The following ZNF853 variants were observed in gnomAD, a reference collection of about 807,000 sequenced individuals.
ZNF853 encodes zinc finger protein 853.
Under a neutral mutation model 94.7 loss-of-function variants are expected in ZNF853, and 57 were observed. The ratio of observed to expected loss-of-function variants is 0.60; its 90% CI spans 0.49 to 0.75. The LOEUF (loss-of-function observed/expected upper bound fraction) is 0.75, where lower values mean the gene tolerates loss of function less well. Ranked by LOEUF, ZNF853 falls within the 30% of genes least tolerant of loss-of-function variation. The pLI, the probability that ZNF853 is intolerant of heterozygous loss-of-function variation, is 0.00. For synonymous variants in ZNF853, 448 were observed against 406.3 expected, an observed-to-expected ratio of 1.10 and a Z score of -1.23; for missense variants, 785 against 868.9, an observed-to-expected ratio of 0.90 and a Z score of 1.21.
intron 2 of ZNF853, among the ~76,000 whole-genome samples, chr7:6,620,295 G>T: frequency 6.6e-6 from 1 of 152,200 alleles, no homozygotes; most frequent in Non-Finnish European, 1.5e-5. Flanking sequence ...TTACAGAGAA[G>T]GATAATTTCA....
intron 2 of ZNF853, among the ~76,000 whole-genome samples, chr7:6,619,032 A>ATTTTTTTTTTTTTTTTTTTTTTTTT: frequency 1.2e-5 from 1 of 86,874 alleles, no homozygotes; most frequent in Non-Finnish European, 2.2e-5. Context: ...CCCTTGGTGG[A>ATTTTTTTTTTTTTTTTTTTTTTTTT]TTTTTTTTTT....
Position 6,621,958 on chromosome 7 carries a change from G to A in ZNF853, c.967G>A (p.Glu323Lys), listed in dbSNP as rs1005233191. ...CGAGGAGGAGGAAGAGGTGGAGCTG[G>A]AGCTCATGCCGGTGGACCTGGGGTC... is the stretch of plus-strand genomic sequence containing the variant. ...EPEEEEEVEL[E>K]LMPVDLGSEQ... is the part of the protein sequence containing the mutation. The change falls in exon 3 of 3, where the codon GAG becomes AAG. Residue 323 changes from glutamate to lysine, a missense_variant. Glu to Lys is a moderately conservative substitution (Grantham distance 56). Coordinates refer to ENST00000457543, the MANE Select transcript of ZNF853 (RefSeq NM_017560.3). 6.4e-7 allele frequency: 1 copy of A among 1,550,998 alleles called. No homozygotes were observed. The highest frequency in any genetic ancestry group is 1.2e-5 in the South Asian group (1 of 84,020).
At position 6,621,431 on chromosome 7, in the gene ZNF853, A is replaced by C. The variant is rs1232202662; in HGVS notation, c.440A>C (p.Lys147Thr). The C allele has an allele frequency of 6.4e-6, 10 of 1,551,634 alleles. No individual in the cohort carries two copies. In the Admixed American group the frequency reaches 2.0e-4, roughly 30 times the overall value. ...KHQSVHHQEL[K>T]PELQLMHQQQ... is the part of the protein sequence containing the mutation. ...CAATCCGTGCACCATCAGGAACTGA[A>C]ACCAGAACTGCAGCTAATGCACCAG... is the stretch of plus-strand genomic sequence containing the variant. The change falls in exon 3 of 3, where the codon AAA (lysine) becomes ACA (threonine). Residue 147 changes from lysine (K) to threonine (T), a missense_variant. By Grantham distance (78) the Lys-to-Thr change is moderately conservative. Transcript: ENST00000457543.
chr7:6,619,725 C>T, intron 2 of ZNF853, among the ~76,000 whole-genome samples: 12 of 152,176 alleles, frequency 7.9e-5, no homozygotes, highest in African/African-American at 2.9e-4. Context: ...GAGAAAGCCT[C>T]CTCAAGTCAC....
intron 1 of ZNF853, among the ~76,000 whole-genome samples, 157 bp downstream of exon 1, chr7:6,616,343 G>T: frequency 2.6e-5 from 4 of 152,198 alleles, no homozygotes; most frequent in Non-Finnish European, 5.9e-5. Flanking sequence ...GGGCCAGGCC[G>T]TGGGTGACAG....
rs1207518748 is a variant in ZNF853 at position 6,623,195 on chromosome 7, G to C, written c.*224G>C. 5.0e-5 allele frequency: 22 copies of C among 436,962 alleles called. No homozygotes were observed. The highest frequency in any genetic ancestry group is 8.0e-5 in the Non-Finnish European group (21 of 261,356). The allele number at this position is 436,962 out of a possible 1,614,324, so 27.1% of individuals were successfully genotyped here. The stretch of plus-strand genomic sequence containing the variant: ...CCATCCGCCAAAAGAGAAGTGGACC[G>C]GGGCTGAAACAGCACACGGGACACG... On this transcript the variant is annotated 3_prime_UTR_variant, in exon 3 of 3. Coordinates refer to ENST00000457543, the MANE Select transcript of ZNF853 (RefSeq NM_017560.3).
At chr7:6,617,088 G>T in intron 1 of ZNF853, 102 bp from the exon 2 acceptor site, 1 of 833,988 alleles carries the variant, frequency 1.2e-6, no homozygotes, top group Non-Finnish European at 1.8e-6. Context: ...ACCGCTCTGG[G>T]TGGCCCGAGG....
Position 6,621,860 on chromosome 7 carries a change from A to AGCAACAGCAGCTGTT in ZNF853, c.881_895dup (p.Leu294_Gln298dup), listed in dbSNP as rs766323245. 3.2e-6 allele frequency: 5 copies of AGCAACAGCAGCTGTT among 1,550,698 alleles called. No individual in the cohort carries two copies. Among genetic ancestry groups the AGCAACAGCAGCTGTT allele is most frequent in the Non-Finnish European group, 4.4e-6 (5 of 1,146,662 alleles). On this transcript the variant is annotated inframe_insertion, in exon 3 of 3. Coordinates refer to ENST00000457543, the MANE Select transcript of ZNF853 (RefSeq NM_017560.3). ...CAGCAGGAACAGTTACAGCAGCAGC[A>AGCAACAGCAGCTGTT]GCAACAGCAGCTGTTGCAACAGCAG...
intron 2 of ZNF853, 37 bp downstream of exon 2, chr7:6,617,344 G>A: frequency 1.5e-6 from 2 of 1,374,374 alleles, no homozygotes; most frequent in Non-Finnish European, 1.9e-6. Flanking sequence ...AGAGCCTCAT[G>A]CCTGCCTGCT....
intron 2 of ZNF853, chr7:6,617,803 C>A: frequency 8.1e-6 from 2 of 247,184 alleles, no homozygotes; most frequent in Non-Finnish European, 1.3e-5. Flanking sequence ...TGCCCAGGGG[C>A]AGATGTGGTA....
Position 6,621,879 on chromosome 7 carries a change from A to ACAGCAGCAGGAACAATTG in ZNF853, c.897_914dup (p.Glu300_Gln305dup). The ACAGCAGCAGGAACAATTG allele has an allele frequency of 6.4e-7, 1 of 1,550,656 alleles. No homozygotes were observed. The highest frequency in any genetic ancestry group is 1.4e-5 in the African/African-American group (1 of 73,118). ...AGCAGCAGCAACAGCAGCTGTTGCA[A>ACAGCAGCAGGAACAATTG]CAGCAGCAGGAACAATTGCAGCAGC... On this transcript the variant is annotated inframe_insertion, in exon 3 of 3. Transcript: ENST00000457543.
chr7:6,618,281 A>C, intron 2 of ZNF853, among the ~76,000 whole-genome samples: 1 of 151,832 alleles, frequency 6.6e-6, no homozygotes, highest in East Asian at 2.0e-4. Context: ...TTGGTGACAG[A>C]GTGAGAGTCC....
intron 2 of ZNF853, 76 bp downstream of exon 2, chr7:6,617,383 G>A: frequency 8.2e-7 from 1 of 1,214,604 alleles, no homozygotes; most frequent in South Asian, 1.6e-5. Context: ...AGGGTGGCGG[G>A]CAGCCTGCAC....
intron 2 of ZNF853, among the ~76,000 whole-genome samples, chr7:6,619,878 A>G: frequency 0.3 from 45,690 of 151,862 alleles, 7,032 homozygotes; most frequent in Admixed American, 0.39. Flanking sequence ...TATGCCTCCC[A>G]AAGTGTTGCG....
In ZNF853 at chr7:6,622,397, TG is replaced by T; in HGVS notation, c.1407del (p.Thr470ProfsTer60). 1 of 1,396,464 alleles carries T rather than the reference TG, an allele frequency of 7.2e-7. No homozygotes were observed. Among genetic ancestry groups the T allele is most frequent in the Non-Finnish European group, 9.2e-7 (1 of 1,084,022 alleles). The allele number at this position is 1,396,464 out of a possible 1,614,324, so 86.5% of individuals were successfully genotyped here. On this transcript the variant is annotated frameshift_variant, in exon 3 of 3. Coordinates refer to ENST00000457543, the MANE Select transcript of ZNF853 (RefSeq NM_017560.3). LOFTEE classifies it high-confidence loss of function. ...AIPGPAGSAA[L>X]TPARQRRRRR... ...CCGGGCCCGGCAGGCAGCGCGGCGT[TG>T]ACCCCTGCACGGCAGCGGCGGCGGC... is the stretch of plus-strand genomic sequence containing the variant.
Position 6,618,183 on chromosome 7 carries a change from G to C in ZNF853, c.130+876G>C. Among the ~76,000 whole-genome samples, 5 of 152,148 alleles carry C rather than the reference G, an allele frequency of 3.3e-5. No individual in the cohort carries two copies. In the East Asian group the frequency reaches 9.7e-4, roughly 29 times the overall value. ...GGTGTGGTGGGCACCTGTAATCTCA[G>C]CTACTCGGGAGGCTGAGGCAGAAGA... On this transcript the variant is annotated intron_variant, in intron 2 of 2. Transcript: ENST00000457543.
Position 6,616,196 on chromosome 7 carries a change from A to G in ZNF853, c.12+10A>G. ...GGAAATGCTCCACCAGGTGAGGCCC[A>G]GGGGGTCGTTGGCGCTGGGCAACCG... On this transcript the variant is annotated intron_variant, in intron 1 of 2. Coordinates refer to ENST00000457543, the MANE Select transcript of ZNF853 (RefSeq NM_017560.3). 6.5e-7 allele frequency: 1 copy of G among 1,547,732 alleles called. No individual in the cohort carries two copies. The highest frequency in any genetic ancestry group is 8.7e-7 in the Non-Finnish European group (1 of 1,144,796).
In ZNF853 at chr7:6,617,393, CAG is replaced by C; in HGVS notation, c.130+88_130+89del. 4.6e-6 allele frequency: 5 copies of C among 1,097,022 alleles called. No homozygotes were observed. The African/African-American group carries it at 8.2e-5, about 18-fold the overall frequency. The allele number at this position is 1,097,022 out of a possible 1,614,324, so 68.0% of individuals were successfully genotyped here. On this transcript the variant is annotated intron_variant, in intron 2 of 2. Coordinates refer to ENST00000457543, the MANE Select transcript of ZNF853 (RefSeq NM_017560.3). ...GCTCAAGGGTGGCGGGCAGCCTGCA[CAG>C]ACTCACACCAGCCAACCTCAGCTGC...
In ZNF853 at chr7:6,621,983, C is replaced by T; in HGVS notation, c.992C>T (p.Ser331Leu). Residue 331 changes from serine (S) to leucine (L), a missense_variant, in exon 3 of 3, where the codon TCA (serine) becomes TTA (leucine). Ser to Leu is a moderately radical substitution (Grantham distance 145). Coordinates refer to ENST00000457543, the MANE Select transcript of ZNF853 (RefSeq NM_017560.3). ...GAGCTCATGCCGGTGGACCTGGGGT[C>T]AGAGCAGGAGCTGGAGCAGCAGCGG... ...ELELMPVDLG[S>L]EQELEQQRQE... is the part of the protein sequence containing the mutation. 1 of 1,550,638 alleles carries T rather than the reference C, an allele frequency of 6.4e-7. No homozygotes were observed. The highest frequency in any genetic ancestry group is 8.7e-7 in the Non-Finnish European group (1 of 1,146,946).
Sources: gnomAD v4.1 joint callset for allele counts (sites outside exome capture counted in the v4.1 genomes callset) on GRCh38, gnomAD v4.1.1 for gene constraint, MANE v1.5 for transcripts, NCBI Gene and HGNC (gene_info 2026-07-23, HGNC 2026-07-21) for gene names.